DPP7: variants seen among roughly 807,000 people sequenced by gnomAD.
DPP7 encodes the protein dipeptidyl peptidase 7.
A neutral mutation model predicts 58.8 loss-of-function variants in DPP7; 74 were observed. The observed-to-expected ratio is 1.26, with a 90% confidence interval of 1.04 to 1.53. The LOEUF (loss-of-function observed/expected upper bound fraction) is 1.53. Among genes scored for constraint, DPP7 ranks in the 40% most tolerant of loss-of-function variants. The pLI is 0.00. For synonymous variants in DPP7, 350 were observed against 303.6 expected (o/e 1.15, Z -1.59); for missense variants, 807 against 692.3 (o/e 1.17, Z -1.86).
Position 137,114,521 on chromosome 9 carries a change from G to T in DPP7, c.123C>A (p.Asp41Glu). Residue 41 changes from aspartate (D) to glutamate (E), a missense_variant, in exon 2 of 13, where the codon GAC (aspartate) becomes GAA (glutamate). By Grantham distance (45) the Asp-to-Glu change is conservative. Coordinates refer to ENST00000371579, the MANE Select transcript of DPP7 (RefSeq NM_013379.3). ...FQERFFQQRL[D>E]HFNFERFGNK... ...TGCCGAAGCGCTCGAAGTTGAAGTG[G>T]TCCAGACGCTGCTGGAAGAAGCGCT... The T allele has an allele frequency of 6.3e-7, 1 of 1,581,632 alleles. No individual in the cohort carries two copies. The highest frequency in any genetic ancestry group is 8.6e-7 in the Non-Finnish European group (1 of 1,165,142).
chr9:137,114,893 T>C (rs1482405506), upstream of DPP7: 3 of 377,510 alleles, frequency 7.9e-6, no homozygotes, highest in South Asian at 1.4e-4. Context: ...TGCCCAGGGG[T>C]CCTTCCCGGG....
upstream of DPP7, chr9:137,114,894 C>T (rs900233872): frequency 5.1e-5 from 19 of 373,976 alleles, no homozygotes; most frequent in Non-Finnish European, 9.2e-6. Flanking sequence ...GCCCAGGGGT[C>T]CTTCCCGGGC....
intron 4 of DPP7, 23 bp downstream of exon 4, chr9:137,113,823 GCAGGGGAGGGAGGGGGTGC>G: frequency 7.3e-7 from 1 of 1,369,794 alleles, no homozygotes; most frequent in Non-Finnish European, 9.6e-7. Flanking sequence ...CTGGGTCGGG[GCAGGGGAGGGAGGGGGTGC>G]GGAGGCCGGG....
At chr9:137,111,458 C>T (rs1013258414) in intron 11 of DPP7, among the ~76,000 whole-genome samples, 2 of 152,218 alleles carry the variant, frequency 1.3e-5, no homozygotes, top group African/African-American at 4.8e-5. Context: ...CGAGACCAGC[C>T]TGGGCGATAT....
In DPP7 at chr9:137,111,876, C is replaced by T; in HGVS notation, c.1204G>A (p.Gly402Ser). The T allele has an allele frequency of 6.4e-7, 1 of 1,564,252 alleles. No homozygotes were observed. Among genetic ancestry groups the T allele is most frequent in the Non-Finnish European group, 8.8e-7 (1 of 1,135,938 alleles). ...PDWLLTSFWG[G>S]DLRAASNIIF... ...GCCCACCCCCCCTCAGCCTTACCAC[C>T]CCCCCAGAAGCTGGTCAGCAGCCAG... is the stretch of plus-strand genomic sequence containing the variant. The change falls in exon 10 of 13, where the codon GGT becomes AGT. Residue 402 changes from glycine (G) to serine (S), a missense_variant. Around this residue, in one of 3 missense-constraint regions of DPP7, gnomAD observed 624 missense variants for 531.2 expected, o/e 1.17. Transcript: ENST00000371579.
In DPP7 at chr9:137,113,070, G is replaced by A. The variant is rs753890602; in HGVS notation, c.753C>T (p.Asp251=). 1.1e-5 allele frequency: 17 copies of A among 1,613,932 alleles called. No homozygotes were observed. Among genetic ancestry groups the A allele is most frequent in the South Asian group, 4.4e-5 (4 of 91,088 alleles). ...TGAAGAGCTGGGTCAGGTCCTTCTCGTCTGACAGCGGCTGGCAGGTGCCGA... is the reference window on the plus strand; with the variant it reads ...TGAAGAGCTGGGTCAGGTCCTTCTCATCTGACAGCGGCTGGCAGGTGCCGA... ...WEFGTCQPLS[D]EKDLTQLFMF... Residue 251 remains aspartate, a synonymous_variant, in exon 7 of 13, where the codon GAC becomes GAT. Transcript: ENST00000371579.
rs759162446 is a variant in DPP7, at chr9:137,111,984, C to G, written c.1096G>C (p.Asp366His). 3 of 1,613,370 alleles carry G rather than the reference C, an allele frequency of 1.9e-6. No individual in the cohort carries two copies. The highest frequency in any genetic ancestry group is 4.5e-5 in the East Asian group (2 of 44,856). Residue 366 changes from aspartate (D) to histidine (H), a missense_variant, in exon 10 of 13, where the codon GAT becomes CAT. By Grantham distance (81) the Asp-to-His change is moderately conservative. This residue lies in a region of DPP7 where 624 missense variants were observed against 531.2 expected (regional missense o/e 1.17). Transcript: ENST00000371579. ...GTGAAGGGCAGGTCCGGGAACATAT[C>G]GGTCACATTGTTGCTGGCGAAGGTC... ...NLTFASNNVT[D>H]MFPDLPFTDE... is the part of the protein sequence containing the mutation.
rs746394556 is a variant in DPP7, at chr9:137,110,871, C to T, written c.1343+9G>A. 51 of 1,611,096 alleles carry T rather than the reference C, an allele frequency of 3.2e-5. No individual in the cohort carries two copies. In the South Asian group the frequency reaches 4.9e-4, roughly 16 times the overall value. On this transcript the variant is annotated intron_variant, in intron 12 of 12. Transcript: ENST00000371579. The stretch of plus-strand genomic sequence containing the variant: ...CCCGCGACCACCGCCAGGCCACCTC[C>T]CTCCGCACCTGAGGTCGAGGTGGTG...
At chr9:137,111,552 G>A in intron 11 of DPP7, 138 bp downstream of exon 11, 1 of 908,390 alleles carries the variant, frequency 1.1e-6, no homozygotes. Context: ...GTTACTGGGA[G>A]GCTTGAGCCT....
chr9:137,112,470 G>C (rs895487928), intron 8 of DPP7: 5 of 620,196 alleles, frequency 8.1e-6, no homozygotes, highest in Admixed American at 3.0e-5. Flanking sequence ...GGGGCCTGCT[G>C]CCCTCTGTTG....
At position 137,110,918 on chromosome 9, in the gene DPP7, G is replaced by A. The variant is rs1235264845; in HGVS notation, c.1305C>T (p.Ala435=). Residue 435 remains alanine, a synonymous_variant, in exon 12 of 13, where the codon GCC becomes GCT. Transcript: ENST00000371579. ...IRRNLSASVI[A]VTIQGGAHHL... ...GGTGCGCTCCCCCCTGGATGGTGACGGCGATGACTGAGGCACTCAGGTTCC... is the reference window on the plus strand; with the variant it reads ...GGTGCGCTCCCCCCTGGATGGTGACAGCGATGACTGAGGCACTCAGGTTCC... The A allele has an allele frequency of 5.0e-6, 8 of 1,612,946 alleles. No homozygotes were observed. In the Admixed American group the frequency reaches 8.3e-5, roughly 17 times the overall value.
rs1216243743 is a variant in DPP7 at position 137,113,455 on chromosome 9, G to A, written c.527C>T (p.Pro176Leu). ...MLSAYLRMKYPHLVAGALAAS... is the reference protein window; with the variant it reads ...MLSAYLRMKYLHLVAGALAAS... Reference sequence around the variant, plus strand: ...CGCCAGCGCCCCCGCCACCAGGTGGGGATACTTCATCCTCAGGTAGGCACT... The same window carrying A: ...CGCCAGCGCCCCCGCCACCAGGTGGAGATACTTCATCCTCAGGTAGGCACT... The change falls in exon 5 of 13, where the codon CCC becomes CTC. Residue 176 changes from proline to leucine, a missense_variant. Coordinates refer to ENST00000371579, the MANE Select transcript of DPP7 (RefSeq NM_013379.3). The A allele has an allele frequency of 3.7e-6, 6 of 1,603,094 alleles. No individual in the cohort carries two copies. In the South Asian group the frequency reaches 6.6e-5, roughly 18 times the overall value.
chr9:137,111,832 G>C (rs750078178), intron 10 of DPP7, 41 bp downstream of exon 10: 1 of 1,612,584 alleles, frequency 6.2e-7, no homozygotes, highest in Non-Finnish European at 8.5e-7. Flanking sequence ...CAGAGCTCGG[G>C]GCAGAAAGCA....
chr9:137,112,887 C>G, intron 7 of DPP7, 66 bp downstream of exon 7: 1 of 1,602,658 alleles, frequency 6.2e-7, no homozygotes, highest in Non-Finnish European at 8.5e-7. Flanking sequence ...AGGGTCAGGC[C>G]GCTGACCACC....
At chr9:137,115,780 G>GGT (rs1831619259), upstream of DPP7, among the ~76,000 whole-genome samples, 1 of 152,118 alleles carries the variant, frequency 6.6e-6, no homozygotes, top group Non-Finnish European at 1.5e-5. Flanking sequence ...TGCAACACGA[G>GGT]GTCATCCAGG....
Position 137,113,263 on chromosome 9 carries a change from A to T in DPP7, c.646T>A (p.Cys216Ser). ...TADFEGQSPK[C>S]TQGVREAFRQ... is the part of the protein sequence containing the mutation. ...AACGCTTCCCGCACACCCTGGGTGCATTTGGGACTCTGGCCCTCAAAGTCC... is the reference window on the plus strand; with the variant it reads ...AACGCTTCCCGCACACCCTGGGTGCTTTTGGGACTCTGGCCCTCAAAGTCC... The change falls in exon 6 of 13, where the codon TGC (cysteine) becomes AGC (serine). Residue 216 changes from cysteine (C) to serine (S), a missense_variant. Physicochemically the swap from Cys to Ser is moderately radical, Grantham distance 112 (BLOSUM62 -1). Around this residue, in one of 3 missense-constraint regions of DPP7, gnomAD observed 624 missense variants for 531.2 expected, o/e 1.17. Coordinates refer to ENST00000371579, the MANE Select transcript of DPP7 (RefSeq NM_013379.3). 1 of 1,613,760 alleles carries T rather than the reference A, an allele frequency of 6.2e-7. No individual in the cohort carries two copies. The highest frequency in any genetic ancestry group is 8.5e-7 in the Non-Finnish European group (1 of 1,179,962).
In DPP7 at chr9:137,112,114, G is replaced by C; in HGVS notation, c.1048C>G (p.Gln350Glu). ...TGPDARAWDY[Q>E]ACTEINLTFA... is the part of the protein sequence containing the mutation. ...CCAGGCCACCCACACCCCCACACCTGGTAGTCCCAGGCCCTGGCGTCGGGG... is the reference window on the plus strand; with the variant it reads ...CCAGGCCACCCACACCCCCACACCTCGTAGTCCCAGGCCCTGGCGTCGGGG... The change falls in exon 9 of 13, where the codon CAG (glutamine) becomes GAG (glutamate). Residue 350 changes from glutamine to glutamate, a missense_variant and splice_region_variant. Gln to Glu is a conservative substitution (Grantham distance 29). Around this residue, in one of 3 missense-constraint regions of DPP7, gnomAD observed 624 missense variants for 531.2 expected, o/e 1.17. Coordinates refer to ENST00000371579, the MANE Select transcript of DPP7 (RefSeq NM_013379.3). 6.2e-7 allele frequency: 1 copy of C among 1,611,682 alleles called. No individual in the cohort carries two copies. The highest frequency in any genetic ancestry group is 8.5e-7 in the Non-Finnish European group (1 of 1,179,534).
In DPP7 at chr9:137,114,549, T is replaced by C; in HGVS notation, c.95A>G (p.Gln32Arg). ...CAGACGCTGCTGGAAGAAGCGCTCC[T>C]GGAAGCCGGGGTCCGGGGCCCTGCG... ...GARRAPDPGF[Q>R]ERFFQQRLDH... Residue 32 changes from glutamine to arginine, a missense_variant, in exon 2 of 13, where the codon CAG becomes CGG. Coordinates refer to ENST00000371579, the MANE Select transcript of DPP7 (RefSeq NM_013379.3). 6.4e-7 allele frequency: 1 copy of C among 1,564,694 alleles called. No homozygotes were observed. Among genetic ancestry groups the C allele is most frequent in the Non-Finnish European group, 8.6e-7 (1 of 1,156,852 alleles).
At chr9:137,113,559 C>A in intron 4 of DPP7, 63 bp from the exon 5 acceptor site, 5 of 1,494,886 alleles carry the variant, frequency 3.3e-6, no homozygotes, top group East Asian at 2.3e-5. Flanking sequence ...TTTTCCTCCT[C>A]AGGGGCCCAC....
Sources: gnomAD v4.1 joint callset for allele counts (sites outside exome capture counted in the v4.1 genomes callset) on GRCh38, gnomAD v4.1.1 for gene constraint, gnomAD v4.1.1 regional missense constraint, MANE v1.5 for transcripts, NCBI Gene and HGNC (gene_info 2026-07-23, HGNC 2026-07-21) for gene names.